Variants in SDK1 observed in about 807,000 individuals in gnomAD.
SDK1 encodes the protein sidekick cell adhesion molecule 1.
A neutral mutation model predicts 245.5 loss-of-function variants in SDK1; 157 were observed. The ratio of observed to expected loss-of-function variants is 0.64; its 90% confidence interval spans 0.56 to 0.73. SDK1 has a LOEUF of 0.73. Ranked by LOEUF, SDK1 falls within the 30% of genes least tolerant of loss-of-function variation. The pLI, the probability that SDK1 is intolerant of heterozygous loss-of-function variation, is 0.00. For missense variants in SDK1, 3,583 were observed against 3,002.3 expected, an observed-to-expected ratio of 1.19 and a Z score of -4.52; for synonymous variants, 1,647 against 1,278.5, an observed-to-expected ratio of 1.29 and a Z score of -6.15.
chr7:3,927,702 C>CA (rs1290093580), intron 5 of SDK1, among the ~76,000 whole-genome samples: 1 of 152,234 alleles, frequency 6.6e-6, no homozygotes, highest in Non-Finnish European at 1.5e-5. Flanking sequence ...TTTGCCTGAA[C>CA]ATACTTTGGC....
chr7:3,338,550 TG>T, intron 1 of SDK1: 1 of 368,002 alleles, frequency 2.7e-6, no homozygotes, highest in Non-Finnish European at 5.2e-6. Context: ...TGAGAAGCAG[TG>T]GAGAGGAACC....
intron 4 of SDK1, among the ~76,000 whole-genome samples, chr7:3,652,052 A>G (rs559306749): frequency 5.9e-5 from 9 of 152,328 alleles, no homozygotes; most frequent in Non-Finnish European, 1.2e-4. Context: ...GGTTAGAAAT[A>G]TTGGCCTCCG....
At chr7:3,426,270 G>A (rs187183358) in intron 1 of SDK1, among the ~76,000 whole-genome samples, 37 of 152,260 alleles carry the variant, frequency 2.4e-4, no homozygotes, top group Admixed American at 1.8e-3. Context: ...TGGCAGGAAG[G>A]GACTGCAGCA....
At chr7:3,908,553 T>C (rs1272791938) in intron 5 of SDK1, among the ~76,000 whole-genome samples, 1 of 152,210 alleles carries the variant, frequency 6.6e-6, no homozygotes, top group Non-Finnish European at 1.5e-5. Context: ...GATATTCTGA[T>C]GCTTAGCCCA....
At chr7:3,642,177 G>A (rs575078984) in intron 4 of SDK1, 72 bp downstream of exon 4, 8 of 1,452,000 alleles carry the variant, frequency 5.5e-6, no homozygotes, top group Middle Eastern at 1.8e-4. Flanking sequence ...TACACAGTAA[G>A]TGTACCAATT....
chr7:3,326,309 C>T (rs1779939767), intron 1 of SDK1, among the ~76,000 whole-genome samples: 1 of 152,108 alleles, frequency 6.6e-6, no homozygotes, highest in Non-Finnish European at 1.5e-5. Context: ...AAATTATATG[C>T]TGTTTTGTAT....
intron 4 of SDK1, among the ~76,000 whole-genome samples, chr7:3,695,497 G>T (rs182235290): frequency 2.0e-5 from 3 of 152,202 alleles, no homozygotes; most frequent in African/African-American, 7.2e-5. Flanking sequence ...GCTTTGTAAA[G>T]ATTTTAAAAT....
intron 14 of SDK1, among the ~76,000 whole-genome samples, chr7:4,009,848 A>G (rs1785796816): frequency 6.6e-6 from 1 of 152,162 alleles, no homozygotes; most frequent in Non-Finnish European, 1.5e-5. Context: ...CTGCTTGGTG[A>G]TTGGTAAGGA....
intron 35 of SDK1, among the ~76,000 whole-genome samples, chr7:4,178,918 C>G (rs1010259233): frequency 1.3e-5 from 2 of 152,204 alleles, no homozygotes; most frequent in Non-Finnish European, 2.9e-5. Flanking sequence ...AATGGAACCT[C>G]GTTATCTGGA....
At chr7:4,055,800 C>G (rs1458789302) in intron 19 of SDK1, among the ~76,000 whole-genome samples, 1 of 152,104 alleles carries the variant, frequency 6.6e-6, no homozygotes, top group Non-Finnish European at 1.5e-5. Context: ...GATGCTTTAG[C>G]TGCATCCCAG....
intron 1 of SDK1, among the ~76,000 whole-genome samples, chr7:3,305,621 T>C (rs1269488341): frequency 6.6e-6 from 1 of 152,228 alleles, no homozygotes; most frequent in Non-Finnish European, 1.5e-5. Flanking sequence ...GAGTTTCAAC[T>C]GGAACTTGAG....
At chr7:3,818,568 T>G (rs1779567023) in intron 4 of SDK1, among the ~76,000 whole-genome samples, 1 of 152,206 alleles carries the variant, frequency 6.6e-6, no homozygotes, top group Non-Finnish European at 1.5e-5. Context: ...ATAGAACCCT[T>G]AAATCCAAAA....
intron 16 of SDK1, among the ~76,000 whole-genome samples, chr7:4,013,900 A>T (rs1339644865): frequency 2.0e-5 from 3 of 152,224 alleles, no homozygotes; most frequent in Admixed American, 6.5e-5. Flanking sequence ...TGGGGGCCGC[A>T]GGCTCTGGTT....
chr7:3,842,137 T>A (rs560087586), intron 5 of SDK1, among the ~76,000 whole-genome samples: 1 of 152,364 alleles, frequency 6.6e-6, no homozygotes, highest in South Asian at 2.1e-4. Flanking sequence ...TGTTCAATAC[T>A]GTCCTTCCCA....
intron 8 of SDK1, among the ~76,000 whole-genome samples, chr7:3,960,910 AAG>A: frequency 6.6e-6 from 1 of 152,354 alleles, no homozygotes. Context: ...TTTCAGAAAT[AAG>A]AGTATACAAT....
chr7:4,129,997 G>A lies in SDK1; in HGVS notation c.4029G>A (p.Leu1343=). The change falls in exon 27 of 45, where the codon CTG becomes CTA. Residue 1343 remains leucine (L), a synonymous_variant. Coordinates refer to ENST00000404826, the MANE Select transcript of SDK1 (RefSeq NM_152744.4). ...NHTQSALLAG[L]RKFVLYELQV... is the part of the protein sequence containing the mutation. Reference sequence around the variant, plus strand: ...CGCAGTCGGCCCTGCTGGCAGGCCTGCGCAAGTTCGTGCTCTACGAGCTCC... The same window carrying A: ...CGCAGTCGGCCCTGCTGGCAGGCCTACGCAAGTTCGTGCTCTACGAGCTCC... The A allele has an allele frequency of 6.2e-7, 1 of 1,613,684 alleles. No homozygotes were observed. Among genetic ancestry groups the A allele is most frequent in the African/African-American group, 1.3e-5 (1 of 75,072 alleles).
intron 5 of SDK1, among the ~76,000 whole-genome samples, chr7:3,877,036 TACATTCAGA>T (rs1316511126): frequency 7.9e-5 from 12 of 152,236 alleles, no homozygotes; most frequent in Admixed American, 1.3e-4. Context: ...TCTTCATTCT[TACATTCAGA>T]GGTGACGTGG....
chr7:3,567,829 T>C (rs747897891), intron 1 of SDK1, among the ~76,000 whole-genome samples: 22 of 152,366 alleles, frequency 1.4e-4, no homozygotes, highest in Non-Finnish European at 2.8e-4. Context: ...ATTTTTCTTC[T>C]AAGGCAGGGT....
At chr7:3,321,691 C>A (rs949809855) in intron 1 of SDK1, among the ~76,000 whole-genome samples, 1 of 138,840 alleles carries the variant, frequency 7.2e-6, no homozygotes, top group Admixed American at 7.1e-5. Flanking sequence ...TTCCTTCTTC[C>A]TTCTCCTCCT....
Sources: gnomAD v4.1 joint callset for allele counts (sites outside exome capture counted in the v4.1 genomes callset) on GRCh38, gnomAD v4.1.1 for gene constraint, MANE v1.5 for transcripts, NCBI Gene and HGNC (gene_info 2026-07-23, HGNC 2026-07-21) for gene names.